Variants in VWC2 observed in about 807,000 individuals in gnomAD.
VWC2 encodes the protein von Willebrand factor C domain containing 2.
VWC2 carries 14 observed loss-of-function variants against 29.8 expected under a neutral mutation model. The ratio of observed to expected loss-of-function variants is 0.47; its 90% CI spans 0.31 to 0.74. VWC2 has a LOEUF of 0.74. Among genes scored for constraint, VWC2 ranks in the 30% least tolerant of loss-of-function variants. The pLI is 0.05. For missense variants in VWC2, 457 were observed against 459.8 expected, an observed-to-expected ratio of 0.99 and a Z score of 0.05; for synonymous variants, 213 against 199.0, an observed-to-expected ratio of 1.07 and a Z score of -0.59.
At chr7:49,804,499 T>A (rs1349097707) in intron 3 of VWC2, among the ~76,000 whole-genome samples, 1 of 152,190 alleles carries the variant, frequency 6.6e-6, no homozygotes, top group Non-Finnish European at 1.5e-5. Flanking sequence ...ATGGGTTGCT[T>A]AAATATTTGG....
At chr7:49,910,519 T>C (rs1409532830) in intron 3 of VWC2, among the ~76,000 whole-genome samples, 1 of 152,122 alleles carries the variant, frequency 6.6e-6, no homozygotes, top group Non-Finnish European at 1.5e-5. Context: ...TGTTTGAATT[T>C]TGGAGGGAGG....
intron 2 of VWC2, among the ~76,000 whole-genome samples, chr7:49,790,166 C>A (rs1181450241): frequency 6.6e-6 from 1 of 152,218 alleles, no homozygotes; most frequent in Non-Finnish European, 1.5e-5. Flanking sequence ...TAGCAAGTTC[C>A]TGTTGATCTG....
At chr7:49,784,197 G>A (rs548461219) in intron 2 of VWC2, among the ~76,000 whole-genome samples, 1 of 152,322 alleles carries the variant, frequency 6.6e-6, no homozygotes, top group Admixed American at 6.5e-5. Context: ...AGCTTCTAGT[G>A]TAGTCATCAC....
rs1299992671 is a variant in VWC2, at chr7:49,788,811, CGTGT to C, written c.696+12682_696+12685del. Among the ~76,000 whole-genome samples, 8 of 119,122 alleles carry C rather than the reference CGTGT, an allele frequency of 6.7e-5. No individual in the cohort carries two copies. The East Asian group carries it at 8.2e-4, about 12-fold the overall frequency. The allele number at this position is 119,122 out of a possible 152,430, so 78.1% of individuals were successfully genotyped here. The stretch of plus-strand genomic sequence containing the variant: ...GTGGGTGAGTGTGACTGTGTGGGTG[CGTGT>C]GAGAGTGGATATGTGGGTATGAGTG... On this transcript the variant is annotated intron_variant, in intron 2 of 3. Coordinates refer to ENST00000340652, the MANE Select transcript of VWC2 (RefSeq NM_198570.5).
chr7:49,819,474 TG>T (rs1789218453), intron 3 of VWC2, among the ~76,000 whole-genome samples: 1 of 152,254 alleles, frequency 6.6e-6, no homozygotes, highest in Non-Finnish European at 1.5e-5. Context: ...CGGGCCATGC[TG>T]TGCAGCCTAA....
At chr7:49,904,952 T>C (rs1583803573) in intron 3 of VWC2, among the ~76,000 whole-genome samples, 1 of 152,044 alleles carries the variant, frequency 6.6e-6, no homozygotes, top group African/African-American at 2.4e-5. Context: ...GCCAGGCTGG[T>C]CTTGAACTCC....
At position 49,800,848 on chromosome 7, in the gene VWC2, C is replaced by CAA. The variant is rs1167626390; in HGVS notation, c.697-1841_697-1840dup. 3.1e-3 allele frequency among the ~76,000 whole-genome samples: 195 copies of CAA among 63,072 alleles called. 2 individuals carry two copies. The highest frequency in any genetic ancestry group is 6.2e-3 in the African/African-American group (120 of 19,454). The allele number at this position is 63,072 out of a possible 152,430, so 41.4% of individuals were successfully genotyped here. A position where few individuals can be genotyped will look rare whatever the true frequency, so the allele number is the denominator to read the frequency against. On this transcript the variant is annotated intron_variant, in intron 2 of 3. Coordinates refer to ENST00000340652, the MANE Select transcript of VWC2 (RefSeq NM_198570.5). ...TAAAGAGCACCACTGGTTATGGTAG[C>CAA]AAAAAAAAAAAAAAAAAAAAAAACC...
At chr7:49,892,560 C>T (rs1792189689) in intron 3 of VWC2, among the ~76,000 whole-genome samples, 2 of 152,194 alleles carry the variant, frequency 1.3e-5, no homozygotes, top group South Asian at 4.2e-4. Context: ...AGGGGGCTTC[C>T]CAGGCCCTGG....
chr7:49,845,856 A>G lies in VWC2; in HGVS notation c.826+43016A>G, dbSNP rs530827438. ...AACAGCAATGCAGGAAGGAAGAGCG[A>G]GTGAGTTAGTGTGAGTGCGTGTGCA... On this transcript the variant is annotated intron_variant, in intron 3 of 3. Coordinates refer to ENST00000340652, the MANE Select transcript of VWC2 (RefSeq NM_198570.5). Among the ~76,000 whole-genome samples the G allele has an allele frequency of 2.6e-5, 4 of 152,250 alleles. No homozygotes were observed. In the South Asian group the frequency reaches 8.3e-4, roughly 32 times the overall value.
chr7:49,797,387 T>C (rs1788616787), intron 2 of VWC2, among the ~76,000 whole-genome samples: 2 of 152,266 alleles, frequency 1.3e-5, no homozygotes, highest in South Asian at 4.1e-4. Context: ...AATTACTCTC[T>C]AGCCTCTGCT....
chr7:49,912,209 G>T lies in VWC2; in HGVS notation c.*24G>T. On this transcript the variant is annotated 3_prime_UTR_variant, in exon 4 of 4. Transcript: ENST00000340652. ...AGACGCTTCCCAGAACACAAACTCT[G>T]ACTTTTTCTAGAACATTTTACTGAT... The T allele has an allele frequency of 6.2e-7, 1 of 1,612,218 alleles. No individual in the cohort carries two copies. Among genetic ancestry groups the T allele is most frequent in the South Asian group, 1.1e-5 (1 of 90,840 alleles).
intron 2 of VWC2, among the ~76,000 whole-genome samples, chr7:49,778,061 TC>T (rs1303269881): frequency 6.6e-6 from 1 of 150,964 alleles, no homozygotes; most frequent in Non-Finnish European, 1.5e-5. Flanking sequence ...CCCAAATACT[TC>T]AGTGTCCACT....
At chr7:49,794,690 G>A (rs928000317) in intron 2 of VWC2, among the ~76,000 whole-genome samples, 2 of 152,208 alleles carry the variant, frequency 1.3e-5, no homozygotes, top group Non-Finnish European at 2.9e-5. Flanking sequence ...TATACAGGCT[G>A]TATTCCTAGT....
In VWC2 at chr7:49,918,375, C is replaced by T. The variant is rs1189644219; in HGVS notation, c.*6190C>T. 1 of 152,164 alleles carries T rather than the reference C, an allele frequency of 6.6e-6. No homozygotes were observed. Among genetic ancestry groups the T allele is most frequent in the Non-Finnish European group, 1.5e-5 (1 of 68,022 alleles). 9.4% of individuals were successfully genotyped at this position (152,164 alleles called of 1,614,324 possible). ...CAAAATGGTCTTTTACCCCACTCCC[C>T]ATAAATAAGATAATGAATAGCAACA... On this transcript the variant is annotated 3_prime_UTR_variant, in exon 4 of 4. Transcript: ENST00000340652.
chr7:49,874,118 G>A (rs1583725274), intron 3 of VWC2, among the ~76,000 whole-genome samples: 1 of 152,214 alleles, frequency 6.6e-6, no homozygotes, highest in East Asian at 1.9e-4. Flanking sequence ...GGCAAAGGAT[G>A]CCCTTGCTCT....
chr7:49,795,692 A>T (rs1249928835), intron 2 of VWC2, among the ~76,000 whole-genome samples: 1 of 152,206 alleles, frequency 6.6e-6, no homozygotes, highest in Non-Finnish European at 1.5e-5. Context: ...TTCTGTTTTC[A>T]TAATATGTTG....
intron 3 of VWC2, among the ~76,000 whole-genome samples, chr7:49,830,375 C>T (rs376638395): frequency 6.6e-6 from 1 of 152,124 alleles, no homozygotes; most frequent in Admixed American, 6.5e-5. Context: ...TCTCTGGTAT[C>T]TAGACTTTAT....
chr7:49,830,062 A>T (rs762147528), intron 3 of VWC2, among the ~76,000 whole-genome samples: 2 of 152,104 alleles, frequency 1.3e-5, no homozygotes, highest in Non-Finnish European at 2.9e-5. Flanking sequence ...CAACTACTCT[A>T]TATTTTTCTT....
intron 3 of VWC2, among the ~76,000 whole-genome samples, chr7:49,854,735 A>G (rs1235844845): frequency 6.6e-6 from 1 of 152,148 alleles, no homozygotes; most frequent in East Asian, 1.9e-4. Context: ...CCATTTGTCA[A>G]TTTTAGCTTT....
Sources: gnomAD v4.1 joint callset for allele counts (sites outside exome capture counted in the v4.1 genomes callset) on GRCh38, gnomAD v4.1.1 for gene constraint, MANE v1.5 for transcripts, NCBI Gene and HGNC (gene_info 2026-07-23, HGNC 2026-07-21) for gene names.